The following CSMD1 variants were observed in gnomAD, a reference collection of about 807,000 sequenced individuals.
CSMD1 encodes the protein CUB and Sushi multiple domains 1, also known as CUB and sushi domain-containing protein 1.
In CSMD1, 213 loss-of-function variants were observed where a neutral mutation model predicts 417.5. That is an observed-to-expected ratio of 0.51 (90% CI 0.46 to 0.57). The LOEUF is 0.57. Ranked by LOEUF, CSMD1 falls within the 20% of genes least tolerant of loss-of-function variation. The pLI is 0.00. For missense variants in CSMD1, 6,923 were observed against 4,529.7 expected, an observed-to-expected ratio of 1.53 and a Z score of -15.17; for synonymous variants, 2,862 against 1,736.8, an observed-to-expected ratio of 1.65 and a Z score of -16.11.
At chr8:4,367,494 A>G (rs536464688) in intron 3 of CSMD1, among the ~76,000 whole-genome samples, 36 of 152,310 alleles carry the variant, frequency 2.4e-4, no homozygotes, top group African/African-American at 8.7e-4. Context: ...GGGTAGTGTG[A>G]TACCTCCAGC....
chr8:4,613,116 G>T (rs1801277097), intron 2 of CSMD1, among the ~76,000 whole-genome samples: 1 of 152,000 alleles, frequency 6.6e-6, no homozygotes, highest in South Asian at 2.1e-4. Flanking sequence ...CACACACACA[G>T]GTACACAATT....
At chr8:3,844,410 G>C (rs1042142782) in intron 5 of CSMD1, among the ~76,000 whole-genome samples, 1 of 152,162 alleles carries the variant, frequency 6.6e-6, no homozygotes, top group Non-Finnish European at 1.5e-5. Context: ...TATTGACAAA[G>C]AATAATTCTA....
intron 1 of CSMD1, among the ~76,000 whole-genome samples, chr8:4,750,694 G>T (rs1025792823): frequency 6.6e-6 from 1 of 151,412 alleles, no homozygotes; most frequent in African/African-American, 2.4e-5. Context: ...ATTAAACTGT[G>T]TATTGAGTTT....
chr8:4,128,003 C>T (rs978259460), intron 3 of CSMD1, among the ~76,000 whole-genome samples: 2 of 152,188 alleles, frequency 1.3e-5, no homozygotes, highest in Admixed American at 6.5e-5. Flanking sequence ...GGGATGCTGT[C>T]ACTTGAGCAA....
chr8:3,903,917 T>C (rs953740892), intron 5 of CSMD1, among the ~76,000 whole-genome samples: 4 of 152,146 alleles, frequency 2.6e-5, no homozygotes, highest in South Asian at 2.1e-4. Flanking sequence ...CACACTACCA[T>C]GTACCTCTTT....
rs142939594 is a variant in CSMD1 at position 4,445,041 on chromosome 8, T to G, written c.303-24976A>C. 3.2e-3 allele frequency among the ~76,000 whole-genome samples: 488 copies of G among 152,320 alleles called. 4 individuals carry two copies. Among genetic ancestry groups the G allele is most frequent in the Middle Eastern group, 0.014 (4 of 294 alleles). ...ATGAAAACCTATACCCATATTGAAATCACTGCACATTTATGCACTCATACA... is the reference window on the plus strand; with the variant it reads ...ATGAAAACCTATACCCATATTGAAAGCACTGCACATTTATGCACTCATACA... On this transcript the variant is annotated intron_variant, in intron 2 of 69. Coordinates refer to ENST00000635120, the MANE Select transcript of CSMD1 (RefSeq NM_033225.6).
At chr8:4,357,836 TGTGA>T (rs754241997) in intron 3 of CSMD1, among the ~76,000 whole-genome samples, 1 of 152,116 alleles carries the variant, frequency 6.6e-6, no homozygotes, top group East Asian at 1.9e-4. Flanking sequence ...AATTTAAAAG[TGTGA>T]GTAATATCAC....
chr8:4,056,746 T>C (rs1163727162), intron 3 of CSMD1, among the ~76,000 whole-genome samples: 4 of 152,024 alleles, frequency 2.6e-5, no homozygotes, highest in Non-Finnish European at 5.9e-5. Flanking sequence ...CCATGCGTTC[T>C]CATTGTTCAA....
chr8:3,909,011 A>G (rs1279865277), intron 5 of CSMD1, among the ~76,000 whole-genome samples: 1 of 152,168 alleles, frequency 6.6e-6, no homozygotes, highest in Non-Finnish European at 1.5e-5. Context: ...CTACTGTAGG[A>G]GGCTTGCCTT....
chr8:3,405,970 C>T (rs1191619767), intron 15 of CSMD1, 57 bp downstream of exon 15: 3 of 1,531,094 alleles, frequency 2.0e-6, no homozygotes, highest in African/African-American at 2.7e-5. Flanking sequence ...TGTGTGTGTG[C>T]CTGAAGATAG....
chr8:4,194,281 A>G (rs1263571820), intron 3 of CSMD1, among the ~76,000 whole-genome samples: 1 of 152,178 alleles, frequency 6.6e-6, no homozygotes, highest in Non-Finnish European at 1.5e-5. Context: ...TAATGAAGGA[A>G]TAATATAAAA....
intron 1 of CSMD1, among the ~76,000 whole-genome samples, chr8:4,834,445 G>A (rs989090680): frequency 6.6e-6 from 1 of 152,180 alleles, no homozygotes; most frequent in Non-Finnish European, 1.5e-5. Flanking sequence ...GATTGAGTGG[G>A]CACATGCCCA....
chr8:3,407,823 C>T, intron 14 of CSMD1, 76 bp downstream of exon 14: 2 of 1,266,156 alleles, frequency 1.6e-6, no homozygotes, highest in Non-Finnish European at 2.2e-6. Context: ...AATGCAACTT[C>T]ACATACATAT....
chr8:3,955,148 C>T (rs1157116326), intron 5 of CSMD1, among the ~76,000 whole-genome samples: 1 of 152,194 alleles, frequency 6.6e-6, no homozygotes. Context: ...AACGGGAAGA[C>T]AGAAGCACTG....
At chr8:4,102,584 T>G (rs73502995) in intron 3 of CSMD1, among the ~76,000 whole-genome samples, 1 of 152,122 alleles carries the variant, frequency 6.6e-6, no homozygotes, top group East Asian at 1.9e-4. Context: ...GCTGAAATAA[T>G]TCAATCTAAT....
chr8:3,327,711 G>C (rs950469475), intron 23 of CSMD1, among the ~76,000 whole-genome samples: 13 of 152,174 alleles, frequency 8.5e-5, no homozygotes. Context: ...TTTAGATAAG[G>C]AAGTAAAGTA....
At chr8:3,819,174 G>C (rs148639965) in intron 5 of CSMD1, among the ~76,000 whole-genome samples, 150 of 152,228 alleles carry the variant, frequency 9.9e-4, no homozygotes, top group African/African-American at 1.4e-3. Context: ...GGATGAGTCT[G>C]CCCACAGTGA....
intron 31 of CSMD1, among the ~76,000 whole-genome samples, chr8:3,205,296 G>A (rs996753703): frequency 1.3e-5 from 2 of 152,132 alleles, no homozygotes; most frequent in African/African-American, 2.4e-5. Flanking sequence ...ACCCTAGAGG[G>A]GACTGTGAGC....
chr8:4,480,613 GAAAC>G (rs1801045496), intron 2 of CSMD1, among the ~76,000 whole-genome samples: 1 of 152,194 alleles, frequency 6.6e-6, no homozygotes, highest in Non-Finnish European at 1.5e-5. Context: ...GAATGCATGA[GAAAC>G]AAACACGTCT....
Sources: allele counts gnomAD v4.1 joint callset (sites outside exome capture counted in the v4.1 genomes callset), GRCh38; gene constraint gnomAD v4.1.1; transcripts MANE v1.5; gene names NCBI Gene and HGNC (gene_info 2026-07-23, HGNC 2026-07-21).